The following DPYD variants were observed in gnomAD, a reference collection of about 807,000 sequenced individuals.
DPYD encodes the protein dihydropyrimidine dehydrogenase [NADP(+)].
DPYD carries 109 observed loss-of-function variants against 116.2 expected under a neutral mutation model. The observed-to-expected ratio is 0.94, with a 90% CI of 0.80 to 1.10. The LOEUF is 1.10. Ranked by LOEUF, DPYD falls within the 50% of genes least tolerant of loss-of-function variation. The pLI is 0.00. For missense variants in DPYD, 1,302 were observed against 1,254.5 expected (o/e 1.04, Z -0.57); for synonymous variants, 440 against 432.0 (o/e 1.02, Z -0.23).
At chr1:97,657,541 C>T (rs1259681669) in intron 8 of DPYD, among the ~76,000 whole-genome samples, 1 of 152,132 alleles carries the variant, frequency 6.6e-6, no homozygotes, top group Non-Finnish European at 1.5e-5. Flanking sequence ...ATGATCTCCT[C>T]TCAATCAGTG....
chr1:97,116,841 T>C (rs925353085), intron 20 of DPYD, among the ~76,000 whole-genome samples: 1 of 151,976 alleles, frequency 6.6e-6, no homozygotes, highest in Admixed American at 6.6e-5. Context: ...TTTAGATATC[T>C]ACCTCAGAAA....
chr1:97,731,405 A>C (rs1352973218), intron 4 of DPYD, among the ~76,000 whole-genome samples: 8 of 152,140 alleles, frequency 5.3e-5, no homozygotes, highest in Admixed American at 5.2e-4. Context: ...TAATTTTTCA[A>C]AGTAGTTTTC....
chr1:97,290,114 T>G (rs1449958655), intron 18 of DPYD, among the ~76,000 whole-genome samples: 1 of 152,110 alleles, frequency 6.6e-6, no homozygotes, highest in African/African-American at 2.4e-5. Flanking sequence ...ATAAAATACC[T>G]AGGGACCCAA....
intron 18 of DPYD, among the ~76,000 whole-genome samples, chr1:97,287,648 C>T (rs943343640): frequency 6.6e-6 from 1 of 152,168 alleles, no homozygotes; most frequent in African/African-American, 2.4e-5. Context: ...CACCCCTCCC[C>T]CAGCCTCGCT....
intron 8 of DPYD, among the ~76,000 whole-genome samples, chr1:97,598,827 T>C (rs964773098): frequency 1.3e-5 from 2 of 152,042 alleles, no homozygotes; most frequent in African/African-American, 4.8e-5. Context: ...TTGAGGCATA[T>C]AGGGATTAAG....
chr1:97,104,890 A>G (rs1014763594), intron 20 of DPYD, among the ~76,000 whole-genome samples: 2 of 152,126 alleles, frequency 1.3e-5, no homozygotes, highest in South Asian at 2.1e-4. Flanking sequence ...AAAGTCTAAC[A>G]TTCATGGAAT....
intron 21 of DPYD, among the ~76,000 whole-genome samples, chr1:97,085,209 A>G (rs1185567073): frequency 6.6e-6 from 1 of 152,236 alleles, no homozygotes; most frequent in Admixed American, 6.5e-5. Context: ...TCACTGAATC[A>G]GATAATGGTG....
At chr1:97,431,302 A>G (rs893008320) in intron 14 of DPYD, among the ~76,000 whole-genome samples, 4 of 152,152 alleles carry the variant, frequency 2.6e-5, no homozygotes, top group African/African-American at 9.7e-5. Context: ...TACAGAAATG[A>G]ATATTATTGA....
chr1:97,764,124 C>A (rs1031693666), intron 3 of DPYD, among the ~76,000 whole-genome samples: 3 of 150,338 alleles, frequency 2.0e-5, no homozygotes, highest in African/African-American at 7.4e-5. Flanking sequence ...TCAAAGCAAA[C>A]TGAATAGGAA....
At chr1:97,261,300 C>A (rs1211307966) in intron 18 of DPYD, among the ~76,000 whole-genome samples, 3 of 151,890 alleles carry the variant, frequency 2.0e-5, no homozygotes. Flanking sequence ...TGATGGACAC[C>A]TTTAACTTTA....
At chr1:97,913,713 G>C (rs1381499265) in intron 1 of DPYD, among the ~76,000 whole-genome samples, 1 of 152,088 alleles carries the variant, frequency 6.6e-6, no homozygotes, top group Non-Finnish European at 1.5e-5. Flanking sequence ...GATCTACCGG[G>C]TGAGTCAATT....
intron 2 of DPYD, among the ~76,000 whole-genome samples, chr1:97,874,664 A>G (rs1326082873): frequency 6.6e-6 from 1 of 151,928 alleles, no homozygotes; most frequent in Non-Finnish European, 1.5e-5. Flanking sequence ...TGCAGTTACT[A>G]GGACTATTGT....
intron 19 of DPYD, among the ~76,000 whole-genome samples, chr1:97,225,442 T>A (rs1036908957): frequency 6.6e-6 from 1 of 151,994 alleles, no homozygotes; most frequent in Non-Finnish European, 1.5e-5. Flanking sequence ...TTTACTCGGG[T>A]TCTTTATTCA....
chr1:97,769,064 T>C (rs1396033494), intron 3 of DPYD, among the ~76,000 whole-genome samples: 1 of 152,114 alleles, frequency 6.6e-6, no homozygotes, highest in East Asian at 1.9e-4. Context: ...TTTACTAAGA[T>C]ATAACTTATA....
chr1:97,623,815 C>T (rs184414704), intron 8 of DPYD, among the ~76,000 whole-genome samples: 6 of 151,920 alleles, frequency 3.9e-5, no homozygotes, highest in Admixed American at 1.3e-4. Context: ...GTAGAGCATC[C>T]AGAAATAAAC....
chr1:97,849,501 T>G (rs1338348837), intron 2 of DPYD, among the ~76,000 whole-genome samples: 2 of 146,806 alleles, frequency 1.4e-5, no homozygotes, highest in African/African-American at 5.0e-5. Flanking sequence ...TCTACATTCA[T>G]TTTTTTTTTT....
At chr1:97,809,051 G>C (rs1443923100) in intron 3 of DPYD, among the ~76,000 whole-genome samples, 1 of 152,188 alleles carries the variant, frequency 6.6e-6, no homozygotes, top group Non-Finnish European at 1.5e-5. Flanking sequence ...GGAGGCAGTA[G>C]AGGGGATCAG....
chr1:97,363,849 T>C (rs975287558), intron 16 of DPYD, among the ~76,000 whole-genome samples: 2 of 152,120 alleles, frequency 1.3e-5, no homozygotes, highest in African/African-American at 4.8e-5. Flanking sequence ...ATACCTAATA[T>C]AAATGATGAG....
At chr1:97,236,332 G>A (rs1442240145) in intron 18 of DPYD, among the ~76,000 whole-genome samples, 2 of 152,078 alleles carry the variant, frequency 1.3e-5, no homozygotes, top group Admixed American at 1.3e-4. Flanking sequence ...ATTTACTGGA[G>A]TGCTTACTCT....
Sources: allele counts gnomAD v4.1 joint callset (sites outside exome capture counted in the v4.1 genomes callset), GRCh38; gene constraint gnomAD v4.1.1; transcripts MANE v1.5; gene names NCBI Gene and HGNC (gene_info 2026-07-23, HGNC 2026-07-21).